Variants in LHPP observed in about 807,000 individuals in gnomAD.
The protein encoded by LHPP is hLHPP.
A neutral mutation model predicts 30.3 loss-of-function variants in LHPP; 24 were observed. That is an observed-to-expected ratio of 0.79 (90% CI 0.57 to 1.11). The LOEUF (loss-of-function observed/expected upper bound fraction) is 1.11. Among genes scored for constraint, LHPP ranks in the 50% most tolerant of loss-of-function variants. LHPP has a pLI of 0.00. For synonymous variants in LHPP, 150 were observed against 157.1 expected (o/e 0.95, Z 0.34); for missense variants, 356 against 367.2 (o/e 0.97, Z 0.25).
rs1317014420 is a variant in LHPP at position 124,519,332 on chromosome 10, GT to G, written c.716+2067del. Among the ~76,000 whole-genome samples, 3 of 152,114 alleles carry G rather than the reference GT, an allele frequency of 2.0e-5. No homozygotes were observed. The South Asian group carries it at 6.2e-4, about 32-fold the overall frequency. Reference sequence around the variant, plus strand: ...AGATAAACAGACTGGTAATATTTTGGTTTTTTCTTTTTATAAAAATGGGATG... The same window carrying G: ...AGATAAACAGACTGGTAATATTTTGGTTTTTCTTTTTATAAAAATGGGATG... On this transcript the variant is annotated intron_variant, in intron 6 of 6. Transcript: ENST00000368842.
chr10:124,492,826 C>A (rs4962633), intron 3 of LHPP, among the ~76,000 whole-genome samples: 63,095 of 151,994 alleles, frequency 0.42, 13,768 homozygotes, highest in East Asian at 0.62. Flanking sequence ...GTCACCAACA[C>A]CTCACTAGAG....
intron 1 of LHPP, among the ~76,000 whole-genome samples, chr10:124,468,077 G>A (rs918973253): frequency 1.3e-5 from 2 of 152,142 alleles, no homozygotes; most frequent in Non-Finnish European, 2.9e-5. Flanking sequence ...CAGGGAGAAG[G>A]GGGTGTTGGG....
chr10:124,548,458 G>A (rs986903737), intron 6 of LHPP, among the ~76,000 whole-genome samples: 6 of 152,180 alleles, frequency 3.9e-5, no homozygotes, highest in African/African-American at 1.4e-4. Context: ...TGTCTGCGGT[G>A]CATAATCAAT....
chr10:124,613,155 G>C, intron 6 of LHPP, 109 bp from the exon 7 acceptor site: 1 of 855,044 alleles, frequency 1.2e-6, no homozygotes, highest in Non-Finnish European at 2.0e-6. Flanking sequence ...GCAGGACCTG[G>C]AGGTTTCCTC....
intron 5 of LHPP, chr10:124,498,816 G>GC (rs75208793): frequency 0.012 from 3,703 of 313,286 alleles, 4 homozygotes; most frequent in Non-Finnish European, 0.014. Flanking sequence ...TACTAACCAG[G>GC]CCCCCCCCCC....
chr10:124,513,408 G>T lies in LHPP; in HGVS notation c.625-3772G>T, dbSNP rs986305693. Among the ~76,000 whole-genome samples, 12 of 141,000 alleles carry T rather than the reference G, an allele frequency of 8.5e-5. No homozygotes were observed. The East Asian group carries it at 2.5e-3, about 29-fold the overall frequency. The allele number at this position is 141,000 out of a possible 152,430, so 92.5% of individuals were successfully genotyped here. ...GAGTGAGAGGAGCTGGTTGGTGGTG[G>T]TTTTTTTTTCTTTAAAATTATTATT... On this transcript the variant is annotated intron_variant, in intron 5 of 6. Transcript: ENST00000368842.
At chr10:124,473,547 G>A (rs1316582725) in intron 1 of LHPP, among the ~76,000 whole-genome samples, 1 of 152,140 alleles carries the variant, frequency 6.6e-6, no homozygotes, top group Non-Finnish European at 1.5e-5. Context: ...TGGCCTCAAG[G>A]AAGTCCCTTA....
chr10:124,527,457 G>C (rs1324205734), intron 6 of LHPP, among the ~76,000 whole-genome samples: 2 of 152,194 alleles, frequency 1.3e-5, no homozygotes, highest in Non-Finnish European at 2.9e-5. Context: ...TGTGAACCCG[G>C]TGTGCTCCTC....
rs191655094 is a variant in LHPP, at chr10:124,580,407, C to T, written c.717-32857C>T. Reference sequence around the variant, plus strand: ...GTTCTAAAGATTTGCTTTGCACATTCAGGTTCCAAATCTACTTGAATTTGA... The same window carrying T: ...GTTCTAAAGATTTGCTTTGCACATTTAGGTTCCAAATCTACTTGAATTTGA... On this transcript the variant is annotated intron_variant, in intron 6 of 6. Transcript: ENST00000368842. 6.6e-5 allele frequency among the ~76,000 whole-genome samples: 10 copies of T among 152,256 alleles called. 1 individual carries two copies. The East Asian group carries it at 1.9e-3, about 29-fold the overall frequency.
At chr10:124,600,462 C>T (rs1949006808) in intron 6 of LHPP, among the ~76,000 whole-genome samples, 1 of 152,216 alleles carries the variant, frequency 6.6e-6, no homozygotes, top group Non-Finnish European at 1.5e-5. Context: ...GTGGGGTGGC[C>T]AGCATGCCCA....
At chr10:124,604,927 G>A (rs1040393247) in intron 6 of LHPP, among the ~76,000 whole-genome samples, 2 of 152,248 alleles carry the variant, frequency 1.3e-5, no homozygotes, top group Non-Finnish European at 2.9e-5. Flanking sequence ...AGGCGGGTGG[G>A]CCACCGACTG....
At chr10:124,579,133 T>G (rs1346457659) in intron 6 of LHPP, among the ~76,000 whole-genome samples, 1 of 152,148 alleles carries the variant, frequency 6.6e-6, no homozygotes, top group African/African-American at 2.4e-5. Flanking sequence ...AGAGTGGGTG[T>G]GTATCTCATA....
At chr10:124,543,641 G>A (rs544572491) in intron 6 of LHPP, among the ~76,000 whole-genome samples, 2 of 152,224 alleles carry the variant, frequency 1.3e-5, no homozygotes, top group African/African-American at 4.8e-5. Flanking sequence ...CAGCTGTGTG[G>A]AGGGGTCCGT....
chr10:124,520,132 C>T (rs1395796775), intron 6 of LHPP, among the ~76,000 whole-genome samples: 1 of 152,094 alleles, frequency 6.6e-6, no homozygotes. Flanking sequence ...CGCGCCCGGC[C>T]TCTTTCTTTT....
In LHPP at chr10:124,517,252, G is replaced by A. The variant is rs1202486494; in HGVS notation, c.697G>A (p.Val233Met). 1.2e-6 allele frequency: 2 copies of A among 1,600,530 alleles called. No individual in the cohort carries two copies. The highest frequency in any genetic ancestry group is 1.7e-6 in the Non-Finnish European group (2 of 1,173,812). The change falls in exon 6 of 7, where the codon GTG becomes ATG. Residue 233 changes from valine (V) to methionine (M), a missense_variant. Physicochemically the swap from Val to Met is conservative, Grantham distance 21. Coordinates refer to ENST00000368842, the MANE Select transcript of LHPP (RefSeq NM_022126.4). This position sits in a 1 kb window ranked among gnomAD's most constrained non-coding sequence, Gnocchi z 4.1. ...GCGGTGTGGAATGAGAGCGCTGCAG[G>A]TGCGCACCGGGAAGTTCAGGTCAGT... is the stretch of plus-strand genomic sequence containing the variant. ...AQRCGMRALQVRTGKFRPSDE... is the reference protein window; with the variant it reads ...AQRCGMRALQMRTGKFRPSDE...
Position 124,596,134 on chromosome 10 carries a change from AC to A in LHPP, c.717-17129del, listed in dbSNP as rs983310139. On this transcript the variant is annotated intron_variant, in intron 6 of 6. Coordinates refer to ENST00000368842, the MANE Select transcript of LHPP (RefSeq NM_022126.4). The surrounding 1 kb of genome is among the most constrained non-coding windows in gnomAD (Gnocchi z 4.6). ...TGATGTTTCATCACGAGGCTGGACC[AC>A]GATGTGTTTATCATGTCACTGTTGC... Among the ~76,000 whole-genome samples, 2 of 152,128 alleles carry A rather than the reference AC, an allele frequency of 1.3e-5. No homozygotes were observed. Among genetic ancestry groups the A allele is most frequent in the Non-Finnish European group, 2.9e-5 (2 of 68,024 alleles).
Position 124,461,964 on chromosome 10 carries a change from C to A in LHPP, c.102C>A (p.Ala34=). ...DSGAGGGTAI[A]GSVEAVARLK... ...GCGCGGGCGGCGGCACGGCCATCGC[C>A]GGCTCGGTGGAGGCGGTGGCCAGGT... Residue 34 remains alanine, a synonymous_variant, in exon 1 of 7, where the codon GCC becomes GCA. Transcript: ENST00000368842. 1 of 1,224,726 alleles carries A rather than the reference C, an allele frequency of 8.2e-7. No individual in the cohort carries two copies. The highest frequency in any genetic ancestry group is 4.1e-5 in the South Asian group (1 of 24,494). The allele number at this position is 1,224,726 out of a possible 1,614,324, so 75.9% of individuals were successfully genotyped here.
At chr10:124,582,869 T>C (rs1948760034) in intron 6 of LHPP, among the ~76,000 whole-genome samples, 1 of 151,500 alleles carries the variant, frequency 6.6e-6, no homozygotes, top group African/African-American at 2.4e-5. Context: ...GAAGAAAATA[T>C]ATTTACTGTT....
rs1955172245 is a variant in LHPP, at chr10:124,541,064, G to T, written c.716+23793G>T. ...TTTAACAGCTTTTTTAATGGAGGAAGGGGCCCCCCAAATCACAAAGTGGCC... is the reference window on the plus strand; with the variant it reads ...TTTAACAGCTTTTTTAATGGAGGAATGGGCCCCCCAAATCACAAAGTGGCC... On this transcript the variant is annotated intron_variant, in intron 6 of 6. Transcript: ENST00000368842. The surrounding 1 kb of genome is among the most constrained non-coding windows in gnomAD (Gnocchi z 4.2). Among the ~76,000 whole-genome samples, 1 of 152,166 alleles carries T rather than the reference G, an allele frequency of 6.6e-6. No individual in the cohort carries two copies. The highest frequency in any genetic ancestry group is 1.9e-4 in the East Asian group (1 of 5,196).
Sources: gnomAD v4.1 joint callset for allele counts (sites outside exome capture counted in the v4.1 genomes callset) on GRCh38, gnomAD v4.1.1 for gene constraint, Gnocchi (gnomAD v3.1) non-coding constraint, MANE v1.5 for transcripts, NCBI Gene and HGNC (gene_info 2026-07-23, HGNC 2026-07-21) for gene names.